The following TBC1D5 variants were observed in gnomAD, a reference collection of about 807,000 sequenced individuals.
TBC1D5 encodes the protein TBC1 domain family, member 5.
Under a neutral mutation model 100.3 loss-of-function variants are expected in TBC1D5, and 75 were observed. The observed-to-expected ratio is 0.75, with a 90% confidence interval of 0.62 to 0.91. TBC1D5 has a LOEUF of 0.91. Ranked by LOEUF, TBC1D5 falls within the 40% of genes least tolerant of loss-of-function variation. TBC1D5 has a pLI of 0.00. For missense variants in TBC1D5, 910 were observed against 942.4 expected, an observed-to-expected ratio of 0.97 and a Z score of 0.45; for synonymous variants, 323 against 325.6, an observed-to-expected ratio of 0.99 and a Z score of 0.09.
chr3:17,430,474 A>C (rs907104328), intron 3 of TBC1D5, among the ~76,000 whole-genome samples: 3 of 151,808 alleles, frequency 2.0e-5, no homozygotes, highest in African/African-American at 7.2e-5. Context: ...TGAAACTATC[A>C]CATTAAATGT....
chr3:17,402,041 A>G (rs1233059373), intron 8 of TBC1D5, among the ~76,000 whole-genome samples: 1 of 152,090 alleles, frequency 6.6e-6, no homozygotes, highest in African/African-American at 2.4e-5. Context: ...GGATAACTCA[A>G]GCTAACCAAA....
At chr3:17,545,041 G>A (rs1236343157) in intron 2 of TBC1D5, among the ~76,000 whole-genome samples, 5 of 152,066 alleles carry the variant, frequency 3.3e-5, no homozygotes, top group Non-Finnish European at 7.4e-5. Flanking sequence ...AATCAGAGCT[G>A]TTATGGATCA....
At chr3:17,462,321 A>ATTTTTT (rs1188024653) in intron 3 of TBC1D5, among the ~76,000 whole-genome samples, 51 of 143,018 alleles carry the variant, frequency 3.6e-4, no homozygotes, top group African/African-American at 1.4e-3. Context: ...TTCGGACCTT[A>ATTTTTT]ATTTTTTTTT....
chr3:17,693,535 C>T (rs1198814904), intron 1 of TBC1D5, among the ~76,000 whole-genome samples: 2 of 152,206 alleles, frequency 1.3e-5, no homozygotes, highest in African/African-American at 4.8e-5. Flanking sequence ...GGGGGAGGGG[C>T]GTCCCCCATC....
intron 2 of TBC1D5, among the ~76,000 whole-genome samples, chr3:17,603,565 T>G (rs1447226426): frequency 6.6e-6 from 1 of 152,138 alleles, no homozygotes; most frequent in Middle Eastern, 3.2e-3. Context: ...AACTCATGAA[T>G]AGCCCACTGC....
chr3:17,402,383 C>A (rs899959229), intron 8 of TBC1D5, among the ~76,000 whole-genome samples: 4 of 152,046 alleles, frequency 2.6e-5, no homozygotes, highest in African/African-American at 9.7e-5. Context: ...TGGCTAATCC[C>A]AGATCCTAAG....
At chr3:17,705,038 G>A (rs2073858127) in intron 1 of TBC1D5, among the ~76,000 whole-genome samples, 1 of 136,230 alleles carries the variant, frequency 7.3e-6, no homozygotes, top group African/African-American at 2.7e-5. Flanking sequence ...GGGGCGGCTG[G>A]CCAGGCGGGG....
intron 14 of TBC1D5, among the ~76,000 whole-genome samples, chr3:17,305,737 C>T (rs1219235070): frequency 6.6e-6 from 1 of 152,102 alleles, no homozygotes; most frequent in East Asian, 1.9e-4. Context: ...GCTGGAGATT[C>T]TTCTAGATTT....
At position 17,590,250 on chromosome 3, in the gene TBC1D5, A is replaced by T. The variant is rs577692387; in HGVS notation, c.-36+33599T>A. On this transcript the variant is annotated intron_variant, in intron 2 of 21. Transcript: ENST00000253692. ...GGAATGTACATTAAGGGTGTAGGATAATGGTGGAAGGAACACAGAGTTAGA... is the reference window on the plus strand; with the variant it reads ...GGAATGTACATTAAGGGTGTAGGATTATGGTGGAAGGAACACAGAGTTAGA... 3.3e-5 allele frequency among the ~76,000 whole-genome samples: 5 copies of T among 152,318 alleles called. No individual in the cohort carries two copies. The East Asian group carries it at 9.6e-4, about 29-fold the overall frequency.
rs756711557 is a variant in TBC1D5 at position 17,233,750 on chromosome 3, C to T, written c.1588+4413G>A. 9.8e-6 allele frequency: 15 copies of T among 1,536,862 alleles called. No individual in the cohort carries two copies. In the South Asian group the frequency reaches 1.5e-4, roughly 15 times the overall value. On this transcript the variant is annotated intron_variant, in intron 17 of 21. Coordinates refer to ENST00000253692, the Ensembl canonical transcript of TBC1D5. ...AGCATCGCTTCCTGTAACTACATCGCCTGGATTTCATAAGAAAAAATAATT... is the reference window on the plus strand; with the variant it reads ...AGCATCGCTTCCTGTAACTACATCGTCTGGATTTCATAAGAAAAAATAATT...
At chr3:17,444,206 T>C (rs1370208371) in intron 3 of TBC1D5, among the ~76,000 whole-genome samples, 2 of 152,110 alleles carry the variant, frequency 1.3e-5, no homozygotes, top group East Asian at 1.9e-4. Flanking sequence ...TAAAAACTTG[T>C]ACACTTGAGA....
chr3:17,389,713 G>A (rs1183959728), intron 8 of TBC1D5, among the ~76,000 whole-genome samples: 1 of 152,134 alleles, frequency 6.6e-6, no homozygotes, highest in Non-Finnish European at 1.5e-5. Flanking sequence ...TGCTCAAGTT[G>A]TAGATTCAAC....
chr3:17,419,104 G>C (rs1004929182), intron 4 of TBC1D5, among the ~76,000 whole-genome samples: 7 of 152,148 alleles, frequency 4.6e-5, no homozygotes, highest in African/African-American at 1.7e-4. Context: ...ATGCACATAC[G>C]CTGAAGAAAT....
chr3:17,601,734 A>AT (rs2060959271), intron 2 of TBC1D5, among the ~76,000 whole-genome samples: 2 of 152,204 alleles, frequency 1.3e-5, no homozygotes, highest in Non-Finnish European at 2.9e-5. Flanking sequence ...ACCCCACGTT[A>AT]TTATTAACAT....
intron 18 of TBC1D5, among the ~76,000 whole-genome samples, chr3:17,202,323 T>G (rs1029011140): frequency 6.6e-6 from 1 of 152,212 alleles, no homozygotes; most frequent in Non-Finnish European, 1.5e-5. Context: ...TGGCTGCTTC[T>G]AACAGCATAT....
intron 3 of TBC1D5, among the ~76,000 whole-genome samples, chr3:17,460,358 TTGGGGATG>T (rs2095179214): frequency 6.6e-6 from 1 of 152,190 alleles, no homozygotes; most frequent in African/African-American, 2.4e-5. Flanking sequence ...TTCCACATCT[TTGGGGATG>T]AATGATGAGA....
intron 1 of TBC1D5, among the ~76,000 whole-genome samples, chr3:17,709,580 G>A (rs960866341): frequency 6.6e-6 from 1 of 152,030 alleles, no homozygotes; most frequent in Non-Finnish European, 1.5e-5. Flanking sequence ...TCTGTTACTG[G>A]CATTCAAAGA....
At chr3:17,720,152 C>A (rs2075575311) in intron 1 of TBC1D5, among the ~76,000 whole-genome samples, 1 of 152,102 alleles carries the variant, frequency 6.6e-6, no homozygotes, top group Admixed American at 6.5e-5. Context: ...GCTCTTTTTA[C>A]CCAAATCACT....
intron 17 of TBC1D5, among the ~76,000 whole-genome samples, chr3:17,220,586 A>C (rs945816211): frequency 6.6e-6 from 1 of 152,110 alleles, no homozygotes. Context: ...CTTAGGAAGC[A>C]TTTCTTACCC....
Sources: gnomAD v4.1 joint callset for allele counts (sites outside exome capture counted in the v4.1 genomes callset) on GRCh38, gnomAD v4.1.1 for gene constraint, MANE v1.5 for transcripts, NCBI Gene and HGNC (gene_info 2026-07-23, HGNC 2026-07-21) for gene names.